CLDN14: variants seen among roughly 807,000 people sequenced by gnomAD.
CLDN14 encodes the protein claudin 14, also known as claudin-14.
In CLDN14, 2 loss-of-function variants were observed where a neutral mutation model predicts 2.1. The ratio of observed to expected loss-of-function variants is 0.96; its 90% CI spans 0.39 to 3.01. The LOEUF is 3.01. Among genes scored for constraint, CLDN14 ranks in the 30% most tolerant of loss-of-function variants. CLDN14 has a pLI of 0.09. For missense variants in CLDN14, 298 were observed against 328.0 expected, an observed-to-expected ratio of 0.91 and a Z score of 0.71; for synonymous variants, 136 against 154.4, an observed-to-expected ratio of 0.88 and a Z score of 0.88.
intron 2 of CLDN14, among the ~76,000 whole-genome samples, chr21:36,503,838 A>G (rs1475248077): frequency 6.6e-6 from 1 of 152,088 alleles, no homozygotes; most frequent in Non-Finnish European, 1.5e-5. Context: ...CAATACATAC[A>G]GTAAGTCATT....
intron 1 of CLDN14, among the ~76,000 whole-genome samples, chr21:36,558,541 C>T (rs936703509): frequency 6.6e-6 from 1 of 152,172 alleles, no homozygotes; most frequent in East Asian, 1.9e-4. Flanking sequence ...GTGTGAAAGC[C>T]AGTTTATAAA....
chr21:36,487,607 T>A (rs1293321562), intron 2 of CLDN14: 1 of 152,088 alleles, frequency 6.6e-6, no homozygotes, highest in African/African-American at 2.4e-5. Flanking sequence ...ATTAAAGAGG[T>A]TCCTTTTACA....
At chr21:36,554,877 G>T (rs1012205601) in intron 1 of CLDN14, among the ~76,000 whole-genome samples, 1 of 152,144 alleles carries the variant, frequency 6.6e-6, no homozygotes, top group African/African-American at 2.4e-5. Context: ...AAAGTCTGAT[G>T]GTCTCCCCAT....
At chr21:36,472,344 G>A (rs1206505117) in intron 1 of CLDN14, among the ~76,000 whole-genome samples, 1 of 152,192 alleles carries the variant, frequency 6.6e-6, no homozygotes, top group Non-Finnish European at 1.5e-5. Context: ...AGGTGCCTAA[G>A]GTTATTGTCT....
Position 36,461,127 on chromosome 21 carries a change from G to A in CLDN14, c.569C>T (p.Pro190Leu), listed in dbSNP as rs1156521102. The A allele has an allele frequency of 6.2e-7, 1 of 1,613,940 alleles. No homozygotes were observed. The highest frequency in any genetic ancestry group is 1.1e-5 in the South Asian group (1 of 91,084). The change falls in exon 2 of 2, where the codon CCC becomes CTC. Residue 190 changes from proline to leucine, a missense_variant. By Grantham distance (98) the Pro-to-Leu change is moderately conservative. Transcript: ENST00000399135. ...LLCLSCQDEA[P>L]YRPYQAPPRA... ...GGGCGGGGCCTGGTAGGGCCTGTAG[G>A]GTGCCTCGTCCTGGCAGGACAGGCA...
intron 1 of CLDN14, among the ~76,000 whole-genome samples, chr21:36,479,131 C>T (rs548839901): frequency 2.6e-5 from 4 of 152,302 alleles, no homozygotes; most frequent in South Asian, 4.1e-4. Context: ...GGGGCAGTGG[C>T]GCTGAGCTCC....
At chr21:36,467,024 A>G (rs2086655457) in intron 1 of CLDN14, among the ~76,000 whole-genome samples, 1 of 152,180 alleles carries the variant, frequency 6.6e-6, no homozygotes, top group African/African-American at 2.4e-5. Context: ...TCAGAAAACG[A>G]CAGAGCGGTA....
At chr21:36,530,770 C>T (rs764109003) in intron 1 of CLDN14, among the ~76,000 whole-genome samples, 6 of 151,994 alleles carry the variant, frequency 3.9e-5, no homozygotes, top group African/African-American at 7.3e-5. Context: ...CAGATGTACC[C>T]GGGGGAGTTT....
intron 1 of CLDN14, among the ~76,000 whole-genome samples, chr21:36,562,845 A>G (rs182503969): frequency 1.0e-3 from 154 of 152,252 alleles, no homozygotes; most frequent in Middle Eastern, 3.4e-3. Flanking sequence ...GGGAATTCTA[A>G]TAACCCTGGC....
intron 1 of CLDN14, among the ~76,000 whole-genome samples, chr21:36,546,547 A>G (rs2087526993): frequency 6.6e-6 from 1 of 152,168 alleles, no homozygotes; most frequent in South Asian, 2.1e-4. Flanking sequence ...TTTATTTTCT[A>G]GCAACTGCCT....
At chr21:36,560,251 G>A (rs546943156) in intron 1 of CLDN14, among the ~76,000 whole-genome samples, 7 of 147,888 alleles carry the variant, frequency 4.7e-5, no homozygotes, top group East Asian at 2.0e-4. Flanking sequence ...ACAGATTTTC[G>A]CTCTTGTCGC....
At chr21:36,562,804 C>T (rs144787023) in intron 1 of CLDN14, among the ~76,000 whole-genome samples, 109 of 151,944 alleles carry the variant, frequency 7.2e-4, no homozygotes, top group African/African-American at 2.6e-3. Context: ...CACAGTCAAG[C>T]GGTGTAGTTT....
At chr21:36,563,495 T>C (rs934165264) in intron 1 of CLDN14, among the ~76,000 whole-genome samples, 2 of 152,190 alleles carry the variant, frequency 1.3e-5, no homozygotes, top group African/African-American at 4.8e-5. Context: ...ATTCCGTGAA[T>C]AACAACAATC....
chr21:36,486,145 A>C, intron 2 of CLDN14: 1 of 1,281,526 alleles, frequency 7.8e-7, no homozygotes, highest in South Asian at 1.2e-5. Flanking sequence ...CGTCGTAATC[A>C]TCCTCCTCCT....
At chr21:36,570,573 C>T (rs2087702429) in intron 1 of CLDN14, among the ~76,000 whole-genome samples, 1 of 152,106 alleles carries the variant, frequency 6.6e-6, no homozygotes, top group African/African-American at 2.4e-5. Flanking sequence ...AAACAAAATG[C>T]ATGGCTGTAA....
At chr21:36,486,504 C>T (rs573361999) in intron 2 of CLDN14, 531 of 1,563,766 alleles carry the variant, frequency 3.4e-4, no homozygotes, top group Non-Finnish European at 4.2e-4. Flanking sequence ...TCACTGGCAC[C>T]GAGACCCAGC....
intron 1 of CLDN14, among the ~76,000 whole-genome samples, chr21:36,563,638 T>C (rs1295421620): frequency 6.6e-6 from 1 of 152,194 alleles, no homozygotes; most frequent in Admixed American, 6.5e-5. Flanking sequence ...TTCCCCTTGT[T>C]GATTTTATGT....
chr21:36,501,659 C>A (rs8128673), intron 2 of CLDN14, among the ~76,000 whole-genome samples: 7,580 of 152,182 alleles, frequency 0.05, 615 homozygotes, highest in African/African-American at 0.17. Flanking sequence ...TACGCCACCC[C>A]CTGTCTCCAA....
intron 2 of CLDN14, among the ~76,000 whole-genome samples, chr21:36,503,830 A>T (rs2087108813): frequency 1.3e-5 from 2 of 152,242 alleles, no homozygotes; most frequent in South Asian, 4.2e-4. Context: ...AATGAATACA[A>T]TACATACAGT....
Sources: gnomAD v4.1 joint callset for allele counts (sites outside exome capture counted in the v4.1 genomes callset) on GRCh38, gnomAD v4.1.1 for gene constraint, MANE v1.5 for transcripts, NCBI Gene and HGNC (gene_info 2026-07-23, HGNC 2026-07-21) for gene names.